The following RB1CC1 variants were observed in gnomAD, a reference collection of about 807,000 sequenced individuals.
The protein encoded by RB1CC1 is RB1 inducible coiled-coil 1.
RB1CC1 carries 46 observed loss-of-function variants against 177.5 expected under a neutral mutation model. The observed-to-expected ratio is 0.26, with a 90% CI of 0.20 to 0.33. RB1CC1 has a LOEUF of 0.33. Among genes scored for constraint, RB1CC1 ranks in the 10% least tolerant of loss-of-function variants. The pLI is 1.00. For synonymous variants in RB1CC1, 666 were observed against 613.6 expected, an observed-to-expected ratio of 1.09 and a Z score of -1.26; for missense variants, 1,703 against 1,816.3, an observed-to-expected ratio of 0.94 and a Z score of 1.13.
chr8:52,674,398 T>C (rs995382345), intron 6 of RB1CC1, 124 bp from the exon 7 acceptor site: 2 of 806,730 alleles, frequency 2.5e-6, no homozygotes, highest in Non-Finnish European at 3.9e-6. Flanking sequence ...ACATTATACA[T>C]ACATAAACTA....
chr8:52,704,518 G>C (rs1223382408), intron 1 of RB1CC1, among the ~76,000 whole-genome samples: 6 of 147,012 alleles, frequency 4.1e-5, no homozygotes, highest in Non-Finnish European at 8.9e-5. Context: ...GAAACTGACA[G>C]TTTACCCTCA....
At chr8:52,653,258 G>A (rs13250856) in intron 15 of RB1CC1, among the ~76,000 whole-genome samples, 36,016 of 152,044 alleles carry the variant, frequency 0.24, 5,318 homozygotes, top group Non-Finnish European at 0.32. Flanking sequence ...AAACAGCAGA[G>A]GGAGATGAGA....
At chr8:52,673,813 GACAAA>G in intron 7 of RB1CC1, 27 bp downstream of exon 7, 6 of 1,541,544 alleles carry the variant, frequency 3.9e-6, no homozygotes, top group Non-Finnish European at 5.3e-6. Flanking sequence ...GTAGTAAAAT[GACAAA>G]ACAAACATCA....
rs1851565910 is a variant in RB1CC1 at position 52,660,930 on chromosome 8, T to G, written c.1623A>C (p.Leu541Phe). The G allele has an allele frequency of 2.5e-6, 4 of 1,607,136 alleles. No homozygotes were observed. The highest frequency in any genetic ancestry group is 3.4e-6 in the Non-Finnish European group (4 of 1,175,484). Residue 541 changes from leucine (L) to phenylalanine (F), a missense_variant, in exon 11 of 24, where the codon TTA becomes TTC. Leu to Phe is a conservative substitution (Grantham distance 22). Transcript: ENST00000025008. ...AAATTATTAATGAACACTTACTAAA[T>G]AATTTCCCAAAGGATTCCCTTTTTG... ...EKSKRESFGK[L>F]FRKSFLRNRL...
chr8:52,675,995 C>G (rs1404669679), intron 6 of RB1CC1, among the ~76,000 whole-genome samples: 3 of 151,796 alleles, frequency 2.0e-5, no homozygotes, highest in Non-Finnish European at 4.4e-5. Flanking sequence ...TTAAAATTTT[C>G]CTCCATTGTC....
In RB1CC1 at chr8:52,686,896, G is replaced by C. The variant is rs1332455449; in HGVS notation, c.-95C>G. Reference sequence around the variant, plus strand: ...GGACTACCACTTTTCTTAAAAAGTAGATTAAAACTGGCTTATGTTTGCTTT... The same window carrying C: ...GGACTACCACTTTTCTTAAAAAGTACATTAAAACTGGCTTATGTTTGCTTT... On this transcript the variant is annotated 5_prime_UTR_variant, in exon 2 of 24. It adds an upstream start codon to the 5' untranslated region. Coordinates refer to ENST00000025008, the MANE Select transcript of RB1CC1 (RefSeq NM_014781.5). 2.2e-6 allele frequency: 1 copy of C among 456,450 alleles called. No homozygotes were observed. Among genetic ancestry groups the C allele is most frequent in the African/African-American group, 2.0e-5 (1 of 50,070 alleles). The allele number at this position is 456,450 out of a possible 1,614,324, so 28.3% of individuals were successfully genotyped here.
chr8:52,685,387 A>G lies in RB1CC1; in HGVS notation c.71+12T>C, dbSNP rs750829475. The G allele has an allele frequency of 8.9e-6, 14 of 1,565,962 alleles. No individual in the cohort carries two copies. The highest frequency in any genetic ancestry group is 1.2e-5 in the Non-Finnish European group (14 of 1,144,144). ...CAGAATGCGAAAAAAAAATAAATGA[A>G]ATACAACTCACGTTTGCACTGTAAG... On this transcript the variant is annotated intron_variant, in intron 3 of 23. Coordinates refer to ENST00000025008, the MANE Select transcript of RB1CC1 (RefSeq NM_014781.5).
At chr8:52,709,579 G>A (rs1418110218) in intron 1 of RB1CC1, among the ~76,000 whole-genome samples, 1 of 152,012 alleles carries the variant, frequency 6.6e-6, no homozygotes. Flanking sequence ...TCTCTACTAA[G>A]AATACAAGAA....
chr8:52,650,846 C>T (rs1327496807), intron 15 of RB1CC1, among the ~76,000 whole-genome samples: 3 of 152,136 alleles, frequency 2.0e-5, no homozygotes, highest in Non-Finnish European at 4.4e-5. Flanking sequence ...GCCTCCAAAT[C>T]CCACCAAACC....
intron 20 of RB1CC1, among the ~76,000 whole-genome samples, chr8:52,632,003 A>C (rs1848800837): frequency 6.6e-6 from 1 of 152,198 alleles, no homozygotes; most frequent in Admixed American, 6.5e-5. Flanking sequence ...TCTCAGTTTA[A>C]AAAAATTTGT....
intron 20 of RB1CC1, among the ~76,000 whole-genome samples, chr8:52,631,681 C>T (rs1156861462): frequency 6.6e-6 from 1 of 152,178 alleles, no homozygotes; most frequent in Non-Finnish European, 1.5e-5. Flanking sequence ...TCCAAACTAC[C>T]TTTAAGATCC....
intron 6 of RB1CC1, among the ~76,000 whole-genome samples, chr8:52,675,282 C>G (rs1852992207): frequency 6.6e-6 from 1 of 151,582 alleles, no homozygotes; most frequent in African/African-American, 2.4e-5. Flanking sequence ...AAAAGGTTAC[C>G]CAAATTTAAA....
intron 5 of RB1CC1, among the ~76,000 whole-genome samples, chr8:52,680,701 T>C (rs570867025): frequency 9.9e-5 from 15 of 152,068 alleles, no homozygotes; most frequent in Admixed American, 2.0e-4. Flanking sequence ...ATTCGTACAA[T>C]AGAATACAAT....
chr8:52,670,546 C>T (rs1357187448), intron 7 of RB1CC1, among the ~76,000 whole-genome samples: 2 of 152,186 alleles, frequency 1.3e-5, no homozygotes, highest in African/African-American at 4.8e-5. Flanking sequence ...CACAAGTTGT[C>T]TGAAAGAAAT....
chr8:52,675,432 C>T (rs906922589), intron 6 of RB1CC1, among the ~76,000 whole-genome samples: 2 of 151,894 alleles, frequency 1.3e-5, no homozygotes, highest in Admixed American at 1.3e-4. Context: ...AAAGCATATG[C>T]ACACACACAC....
At chr8:52,681,689 G>A (rs908257836) in intron 5 of RB1CC1, among the ~76,000 whole-genome samples, 4 of 152,214 alleles carry the variant, frequency 2.6e-5, no homozygotes, top group Non-Finnish European at 5.9e-5. Context: ...CCAGCACTTA[G>A]GGAGGCCAAG....
chr8:52,623,979 A>C (rs1246224467), intron 23 of RB1CC1, 120 bp from the exon 24 acceptor site: 2 of 672,550 alleles, frequency 3.0e-6, no homozygotes, highest in Non-Finnish European at 5.2e-6. Context: ...ACCACATCAC[A>C]CAAGTACCCT....
At chr8:52,658,255 T>A in intron 13 of RB1CC1, 131 bp from the exon 14 acceptor site, 1 of 1,082,772 alleles carries the variant, frequency 9.2e-7, no homozygotes, top group Non-Finnish European at 1.3e-6. Context: ...ACCAGAAGTA[T>A]TTTAAGAAGT....
At chr8:52,712,835 T>C (rs1013124047) in intron 1 of RB1CC1, among the ~76,000 whole-genome samples, 1 of 152,202 alleles carries the variant, frequency 6.6e-6, no homozygotes, top group Non-Finnish European at 1.5e-5. Context: ...TTACAACAAA[T>C]ATAAAAAGCG....
Sources: allele counts gnomAD v4.1 joint callset (sites outside exome capture counted in the v4.1 genomes callset), GRCh38; gene constraint gnomAD v4.1.1; transcripts MANE v1.5; gene names NCBI Gene and HGNC (gene_info 2026-07-23, HGNC 2026-07-21).